TEK: variants seen among roughly 807,000 people sequenced by gnomAD.
TEK encodes angiopoietin-1 receptor.
Under a neutral mutation model 131.8 loss-of-function variants are expected in TEK, and 43 were observed. That is an observed-to-expected ratio of 0.33 (90% CI 0.26 to 0.42). The LOEUF (loss-of-function observed/expected upper bound fraction) is 0.42, where lower values mean the gene tolerates loss of function less well. Among genes scored for constraint, TEK ranks in the 10% least tolerant of loss-of-function variants. The pLI, the probability that TEK is intolerant of heterozygous loss-of-function variation, is 1.00. For missense variants in TEK, 1,162 were observed against 1,384.4 expected, an observed-to-expected ratio of 0.84 and a Z score of 2.55; for synonymous variants, 580 against 491.6, an observed-to-expected ratio of 1.18 and a Z score of -2.38.
chr9:27,143,753 A>G (rs760588484), intron 1 of TEK, among the ~76,000 whole-genome samples: 5 of 152,176 alleles, frequency 3.3e-5, no homozygotes, highest in Admixed American at 1.3e-4. Flanking sequence ...GTGTCATGAA[A>G]TGCATGGCAG....
intron 9 of TEK, 138 bp downstream of exon 9, chr9:27,185,767 T>A (rs1824578756): frequency 1.7e-6 from 2 of 1,164,772 alleles, no homozygotes; most frequent in Non-Finnish European, 2.5e-6. Flanking sequence ...TAAAAAATTA[T>A]ATGCATGAAA....
At chr9:27,146,338 C>T (rs957600580) in intron 1 of TEK, among the ~76,000 whole-genome samples, 1 of 152,158 alleles carries the variant, frequency 6.6e-6, no homozygotes, top group Non-Finnish European at 1.5e-5. Flanking sequence ...AGTTTTAACA[C>T]ATACACTCAT....
intron 1 of TEK, among the ~76,000 whole-genome samples, chr9:27,137,344 T>G (rs1476991586): frequency 6.6e-6 from 1 of 152,242 alleles, no homozygotes; most frequent in East Asian, 1.9e-4. Flanking sequence ...AATCATTTAA[T>G]AAGTCGCTGA....
intron 1 of TEK, among the ~76,000 whole-genome samples, chr9:27,115,485 C>T (rs1240796306): frequency 1.3e-5 from 2 of 151,664 alleles, no homozygotes; most frequent in Admixed American, 1.3e-4. Context: ...GGCAACAGAG[C>T]GAGACATTGT....
At chr9:27,138,656 T>G (rs1339380433) in intron 1 of TEK, among the ~76,000 whole-genome samples, 7 of 152,212 alleles carry the variant, frequency 4.6e-5, no homozygotes, top group Non-Finnish European at 8.8e-5. Context: ...ACCTGACACT[T>G]GAATAACACA....
chr9:27,178,080 G>A (rs1824236785), intron 6 of TEK, among the ~76,000 whole-genome samples: 1 of 152,048 alleles, frequency 6.6e-6, no homozygotes, highest in Non-Finnish European at 1.5e-5. Flanking sequence ...TTTTCTTCTA[G>A]TAGTTTTACA....
intron 2 of TEK, among the ~76,000 whole-genome samples, chr9:27,165,261 A>G (rs182843249): frequency 7.9e-5 from 12 of 152,300 alleles, no homozygotes; most frequent in African/African-American, 2.4e-4. Flanking sequence ...CAGCTAAACA[A>G]TTCTCACACA....
At chr9:27,175,882 A>G (rs1824152199) in intron 6 of TEK, among the ~76,000 whole-genome samples, 1 of 151,812 alleles carries the variant, frequency 6.6e-6, no homozygotes, top group African/African-American at 2.4e-5. Flanking sequence ...TAGATTCTGG[A>G]TATTAGCCCT....
At chr9:27,130,778 T>C (rs2131060726) in intron 1 of TEK, among the ~76,000 whole-genome samples, 1 of 152,170 alleles carries the variant, frequency 6.6e-6, no homozygotes, top group Non-Finnish European at 1.5e-5. Flanking sequence ...GATTTCAACA[T>C]GTTGATCAGG....
chr9:27,117,174 AT>A (rs1821604764), intron 1 of TEK, among the ~76,000 whole-genome samples: 1 of 152,170 alleles, frequency 6.6e-6, no homozygotes, highest in East Asian at 1.9e-4. Flanking sequence ...CGGAAAGAGA[AT>A]TTTAAGAAGA....
At chr9:27,146,323 C>G (rs1822917795) in intron 1 of TEK, among the ~76,000 whole-genome samples, 1 of 152,172 alleles carries the variant, frequency 6.6e-6, no homozygotes, top group African/African-American at 2.4e-5. Flanking sequence ...GTATACAACT[C>G]TATGAGTTTT....
chr9:27,197,655 C>A, intron 12 of TEK, 56 bp downstream of exon 12: 1 of 1,603,530 alleles, frequency 6.2e-7, no homozygotes, highest in East Asian at 2.3e-5. Context: ...TACCGCCATG[C>A]AGACTTAGCT....
intron 8 of TEK, among the ~76,000 whole-genome samples, chr9:27,184,260 A>T (rs956465099): frequency 9.9e-5 from 15 of 152,158 alleles, no homozygotes; most frequent in African/African-American, 2.9e-4. Context: ...GTTTAAAAGG[A>T]TCAAGCTACT....
At chr9:27,164,036 T>A (rs1687898802) in intron 2 of TEK, among the ~76,000 whole-genome samples, 1 of 152,202 alleles carries the variant, frequency 6.6e-6, no homozygotes. Flanking sequence ...CAGTATCAAA[T>A]TTAAAATGAG....
intron 1 of TEK, 104 bp downstream of exon 1, chr9:27,109,746 G>A: frequency 8.5e-7 from 1 of 1,173,452 alleles, no homozygotes; most frequent in Non-Finnish European, 1.2e-6. Context: ...AACAAGGGGT[G>A]GCTGTAGCAA....
rs1003267454 is a variant in TEK at position 27,229,377 on chromosome 9, C to G, written c.*145C>G. ...ACCTGGGACCTTCACCACTGTAGATCCCATGCATGGATCTATGTAGTATGC... is the reference window on the plus strand; with the variant it reads ...ACCTGGGACCTTCACCACTGTAGATGCCATGCATGGATCTATGTAGTATGC... On this transcript the variant is annotated 3_prime_UTR_variant, in exon 23 of 23. Transcript: ENST00000380036. 1.3e-6 allele frequency: 1 copy of G among 767,552 alleles called. No homozygotes were observed. Among genetic ancestry groups the G allele is most frequent in the African/African-American group, 1.7e-5 (1 of 58,492 alleles). The allele number at this position is 767,552 out of a possible 1,614,324, so 47.5% of individuals were successfully genotyped here. A position where few individuals can be genotyped will look rare whatever the true frequency, so the allele number is the denominator to read the frequency against.
chr9:27,213,611 A>G lies in TEK; in HGVS notation c.2991+14A>G, dbSNP rs373981544. The stretch of plus-strand genomic sequence containing the variant: ...AAAAAGACAATGGTAAGTGCCAGAC[A>G]CAGACACTGATCGCATCCTTTCCGA... On this transcript the variant is annotated intron_variant, in intron 18 of 22. Coordinates refer to ENST00000380036, the MANE Select transcript of TEK (RefSeq NM_000459.5). 1.3e-6 allele frequency: 2 copies of G among 1,585,492 alleles called. No homozygotes were observed. The highest frequency in any genetic ancestry group is 1.3e-5 in the African/African-American group (1 of 74,396).
rs748957061 is a variant in TEK, at chr9:27,157,880, T to C, written c.102T>C (p.Leu34=). 1 of 1,614,150 alleles carries C rather than the reference T, an allele frequency of 6.2e-7. No individual in the cohort carries two copies. The highest frequency in any genetic ancestry group is 2.2e-5 in the East Asian group (1 of 44,878). Residue 34 remains leucine, a synonymous_variant, in exon 2 of 23, where the codon CTT becomes CTC. Coordinates refer to ENST00000380036, the MANE Select transcript of TEK (RefSeq NM_000459.5). ...TGATCTTGATCAATTCCCTACCTCT[T>C]GTATCTGATGCTGAAACATCTCTCA... ...MDLILINSLP[L]VSDAETSLTC...
chr9:27,122,600 G>A (rs1001118381), intron 1 of TEK, among the ~76,000 whole-genome samples: 4 of 152,096 alleles, frequency 2.6e-5, no homozygotes, highest in African/African-American at 9.7e-5. Flanking sequence ...TAGGGTATAG[G>A]ATGAAGCGGT....
Sources: allele counts gnomAD v4.1 joint callset (sites outside exome capture counted in the v4.1 genomes callset), GRCh38; gene constraint gnomAD v4.1.1; transcripts MANE v1.5; gene names NCBI Gene and HGNC (gene_info 2026-07-23, HGNC 2026-07-21).